PCDH15: variants seen among roughly 807,000 people sequenced by gnomAD.
The protein encoded by PCDH15 is protocadherin related 15, also known as protocadherin-15.
A neutral mutation model predicts 178.5 loss-of-function variants in PCDH15; 129 were observed. That is an observed-to-expected ratio of 0.72 (90% CI 0.63 to 0.84). The LOEUF (loss-of-function observed/expected upper bound fraction) is 0.84. Among genes scored for constraint, PCDH15 ranks in the 40% least tolerant of loss-of-function variants. The pLI is 0.00. For missense variants in PCDH15, 2,230 were observed against 2,099.9 expected (o/e 1.06, Z -1.21); for synonymous variants, 800 against 732.0 (o/e 1.09, Z -1.50).
At chr10:55,613,411 A>T (rs1843411460) in intron 2 of PCDH15, among the ~76,000 whole-genome samples, 1 of 152,138 alleles carries the variant, frequency 6.6e-6, no homozygotes, top group African/African-American at 2.4e-5. Context: ...CCACTTTTAG[A>T]CTTTCAAATA....
chr10:55,543,250 T>C (rs1051946686), intron 2 of PCDH15, among the ~76,000 whole-genome samples: 3 of 150,722 alleles, frequency 2.0e-5, no homozygotes, highest in Non-Finnish European at 4.4e-5. Flanking sequence ...TGTGTCTATA[T>C]ATATAATATG....
chr10:53,910,787 T>A (rs553081334), intron 25 of PCDH15, among the ~76,000 whole-genome samples: 1 of 152,132 alleles, frequency 6.6e-6, no homozygotes, highest in African/African-American at 2.4e-5. Context: ...GACGAATGGC[T>A]AACTAGAATA....
intron 8 of PCDH15, among the ~76,000 whole-genome samples, chr10:54,261,933 A>G (rs975114610): frequency 6.6e-6 from 1 of 152,178 alleles, no homozygotes; most frequent in Admixed American, 6.5e-5. Context: ...GGTGACACAG[A>G]CACCATGGTT....
intron 2 of PCDH15, among the ~76,000 whole-genome samples, chr10:55,363,547 A>T (rs1320988406): frequency 1.3e-5 from 2 of 152,170 alleles, no homozygotes; most frequent in Non-Finnish European, 2.9e-5. Flanking sequence ...TTCTAGTAAC[A>T]CAATATATCA....
chr10:53,819,044 T>G (rs2076162652), intron 33 of PCDH15, among the ~76,000 whole-genome samples: 1 of 152,082 alleles, frequency 6.6e-6, no homozygotes, highest in South Asian at 2.1e-4. Context: ...GGTTCTGCAG[T>G]GAATTTCGTA....
At position 54,690,761 on chromosome 10, in the gene PCDH15, A is replaced by G. The variant is rs148283106; in HGVS notation, c.-28-26471T>C. Among the ~76,000 whole-genome samples the G allele has an allele frequency of 1.0e-3, 158 of 152,270 alleles. 1 individual carries two copies. The highest frequency in any genetic ancestry group is 3.7e-3 in the African/African-American group (152 of 41,568). ...TCAACTAACGTTTGTCAGTACTGTT[A>G]ATATCATTCACCAACTTTTAAAATC... On this transcript the variant is annotated intron_variant, in intron 1 of 37. Transcript: ENST00000644397.
At chr10:55,180,518 A>G (rs909517342) in intron 1 of PCDH15, among the ~76,000 whole-genome samples, 1 of 152,150 alleles carries the variant, frequency 6.6e-6, no homozygotes, top group African/African-American at 2.4e-5. Flanking sequence ...CATCTATTCA[A>G]CAGTGATTTA....
At chr10:55,160,233 G>A (rs986939153) in intron 2 of PCDH15, among the ~76,000 whole-genome samples, 14 of 151,870 alleles carry the variant, frequency 9.2e-5, no homozygotes, top group African/African-American at 3.4e-4. Flanking sequence ...TTAAATTTGA[G>A]CACAATGACT....
At chr10:55,097,551 A>C (rs1301973549) in intron 2 of PCDH15, among the ~76,000 whole-genome samples, 2 of 152,148 alleles carry the variant, frequency 1.3e-5, no homozygotes, top group African/African-American at 4.8e-5. Flanking sequence ...AAATTAAAGG[A>C]TAGAAAACTA....
chr10:54,479,224 T>G (rs550553742), intron 3 of PCDH15, among the ~76,000 whole-genome samples: 1 of 152,128 alleles, frequency 6.6e-6, no homozygotes, highest in Non-Finnish European at 1.5e-5. Context: ...TTGAATTTAG[T>G]GAATTTACTA....
intron 2 of PCDH15, among the ~76,000 whole-genome samples, chr10:55,584,843 A>C (rs193229169): frequency 2.8e-4 from 42 of 151,628 alleles, no homozygotes; most frequent in Admixed American, 1.2e-3. Context: ...TAGGCTATAA[A>C]TACAAAAGTA....
At chr10:55,232,384 T>C (rs1394210491) in intron 1 of PCDH15, among the ~76,000 whole-genome samples, 1 of 152,126 alleles carries the variant, frequency 6.6e-6, no homozygotes, top group Non-Finnish European at 1.5e-5. Context: ...AGCTTTATTC[T>C]TGTAGAAAGT....
intron 21 of PCDH15, among the ~76,000 whole-genome samples, chr10:53,964,831 C>T (rs1402247157): frequency 6.6e-6 from 1 of 151,970 alleles, no homozygotes; most frequent in African/African-American, 2.4e-5. Context: ...CAATGGCAAA[C>T]CTTGTATATG....
At chr10:55,242,479 T>C (rs952084102) in intron 1 of PCDH15, among the ~76,000 whole-genome samples, 1 of 152,168 alleles carries the variant, frequency 6.6e-6, no homozygotes, top group African/African-American at 2.4e-5. Flanking sequence ...TTTTCTAAAA[T>C]CAATTTAATG....
rs548592942 is a variant in PCDH15, at chr10:54,954,461, T to G, written c.-79-56961A>C. 4.0e-5 allele frequency among the ~76,000 whole-genome samples: 6 copies of G among 151,454 alleles called. No homozygotes were observed. In the East Asian group the frequency reaches 1.2e-3, roughly 29 times the overall value. ...TCGTATTCCCTTCTTACGCTCTTCTTAAAAGATTGTCTTGGCAGTCCTATG... is the reference window on the plus strand; with the variant it reads ...TCGTATTCCCTTCTTACGCTCTTCTGAAAAGATTGTCTTGGCAGTCCTATG... On this transcript the variant is annotated intron_variant, in intron 2 of 5. Coordinates refer to the PCDH15 transcript ENST00000458638.
At chr10:54,772,286 A>G (rs1949181533) in intron 1 of PCDH15, among the ~76,000 whole-genome samples, 1 of 152,198 alleles carries the variant, frequency 6.6e-6, no homozygotes, top group African/African-American at 2.4e-5. Flanking sequence ...GTTCTCAGGC[A>G]TATTTTCCTA....
intron 8 of PCDH15, among the ~76,000 whole-genome samples, chr10:54,277,593 A>G (rs988777909): frequency 7.9e-5 from 12 of 151,688 alleles, no homozygotes; most frequent in African/African-American, 2.7e-4. Context: ...GTACTAAAGA[A>G]AAACAGTGTT....
intron 2 of PCDH15, among the ~76,000 whole-genome samples, chr10:55,043,772 G>GA (rs1032417641): frequency 4.6e-5 from 7 of 150,984 alleles, no homozygotes; most frequent in East Asian, 1.9e-4. Flanking sequence ...ATTAAAAGAA[G>GA]AAAAAAACAC....
intron 2 of PCDH15, among the ~76,000 whole-genome samples, chr10:55,159,102 C>G (rs927272141): frequency 6.6e-6 from 1 of 151,984 alleles, no homozygotes; most frequent in South Asian, 2.1e-4. Flanking sequence ...AGACAAATAG[C>G]TAGTGAATGG....
Sources: gnomAD v4.1 joint callset for allele counts (sites outside exome capture counted in the v4.1 genomes callset) on GRCh38, gnomAD v4.1.1 for gene constraint, MANE v1.5 for transcripts, NCBI Gene and HGNC (gene_info 2026-07-23, HGNC 2026-07-21) for gene names.